The following PPEF1 variants were observed in gnomAD, a reference collection of about 807,000 sequenced individuals.
PPEF1 encodes protein phosphatase with EF-hand domain 1.
Under a neutral mutation model 53.3 loss-of-function variants are expected in PPEF1, and 12 were observed. The observed-to-expected ratio is 0.23, with a 90% CI of 0.14 to 0.36. PPEF1 has a LOEUF of 0.36. PPEF1 is among the 10% of genes least tolerant of loss of function. PPEF1 has a pLI of 1.00. For missense variants in PPEF1, 334 were observed against 490.4 expected, an observed-to-expected ratio of 0.68 and a Z score of 3.01; for synonymous variants, 165 against 176.7, an observed-to-expected ratio of 0.93 and a Z score of 0.52.
At chrX:18,739,737 C>T (rs996877959) in intron 3 of PPEF1, among the ~76,000 whole-genome samples, 18 of 112,361 alleles carry the variant, frequency 1.6e-4, no homozygotes, top group Non-Finnish European at 2.6e-4. Flanking sequence ...CCAGAGGTGG[C>T]GTCTATAGAG....
chrX:18,750,272 C>T (rs2045416999), intron 4 of PPEF1, among the ~76,000 whole-genome samples: 1 of 111,627 alleles, frequency 9.0e-6, no homozygotes. Flanking sequence ...ATATCTCATT[C>T]CAGAACATTT....
Position 18,720,072 on chromosome X carries a change from C to T in PPEF1, c.47-10109C>T, listed in dbSNP as rs901306540. ...ACATACCACTTATCCTGCCAAAATA[C>T]ACAACCTGAATCTCATCACGAGGAA... On this transcript the variant is annotated intron_variant, in intron 1 of 15. Coordinates refer to ENST00000470157, the MANE Select transcript of PPEF1 (RefSeq NM_001377996.1). 6.3e-5 allele frequency among the ~76,000 whole-genome samples: 7 copies of T among 111,472 alleles called. 1 individual carries two copies. The highest frequency in any genetic ancestry group is 3.8e-5 in the Non-Finnish European group (2 of 53,122).
intron 6 of PPEF1, among the ~76,000 whole-genome samples, chrX:18,766,902 A>G (rs937926623): frequency 2.8e-5 from 3 of 106,905 alleles, no homozygotes; most frequent in African/African-American, 1.0e-4. Context: ...ACAAAAAAAA[A>G]TTAGCTTCGC....
Position 18,789,289 on chromosome X carries a change from G to A in PPEF1, c.1065+16G>A. On this transcript the variant is annotated intron_variant, in intron 10 of 15. Transcript: ENST00000470157. ...ATGGGAACAGGTAGGTAATCAGGGT[G>A]TTCACTGCAGTGGCAACAATGACAC... is the stretch of plus-strand genomic sequence containing the variant. The A allele has an allele frequency of 3.3e-6, 4 of 1,194,208 alleles. No individual in the cohort carries two copies. The highest frequency in any genetic ancestry group is 4.5e-6 in the Non-Finnish European group (4 of 881,558).
chrX:18,800,316 A>T (rs956729172), intron 10 of PPEF1, among the ~76,000 whole-genome samples: 32 of 110,751 alleles, frequency 2.9e-4, no homozygotes, highest in Non-Finnish European at 5.1e-4. Flanking sequence ...CACATATATA[A>T]AATAATATAT....
At chrX:18,743,950 A>G (rs2045263796) in intron 3 of PPEF1, among the ~76,000 whole-genome samples, 2 of 110,344 alleles carry the variant, frequency 1.8e-5, no homozygotes, top group Admixed American at 1.9e-4. Context: ...GTGCAGTGGC[A>G]TGACCTCGGC....
chrX:18,806,625 A>G, intron 12 of PPEF1, 80 bp downstream of exon 12: 3 of 938,250 alleles, frequency 3.2e-6, no homozygotes, highest in Non-Finnish European at 4.3e-6. Flanking sequence ...AAGAGCAGCC[A>G]CGTGAGTGAA....
At chrX:18,810,054 CAATA>C (rs1400151818) in intron 12 of PPEF1, among the ~76,000 whole-genome samples, 2 of 98,839 alleles carry the variant, frequency 2.0e-5, no homozygotes, top group African/African-American at 7.5e-5. Flanking sequence ...AGTTTTATGT[CAATA>C]AAGCTGGAAA....
chrX:18,775,967 A>C (rs1489924526), intron 6 of PPEF1, among the ~76,000 whole-genome samples: 2 of 75,368 alleles, frequency 2.7e-5, no homozygotes, highest in Non-Finnish European at 5.9e-5. Context: ...GATCACACAC[A>C]TGCTGAGGCA....
At chrX:18,700,240 G>A (rs892327891) in intron 5 of PPEF1, 1 of 53,868 alleles carries the variant, frequency 1.9e-5, no homozygotes, top group Non-Finnish European at 4.7e-5. Flanking sequence ...TGCAGAGTGG[G>A]GTGTGTGTGT....
At chrX:18,729,307 G>A (rs1202017686) in intron 1 of PPEF1, among the ~76,000 whole-genome samples, 7 of 111,814 alleles carry the variant, frequency 6.3e-5, no homozygotes, top group Admixed American at 2.8e-4. Flanking sequence ...TCATTGGTCT[G>A]TGCAAGACCC....
intron 3 of PPEF1, among the ~76,000 whole-genome samples, chrX:18,743,823 T>G (rs1387782659): frequency 2.7e-5 from 3 of 111,103 alleles, no homozygotes; most frequent in Non-Finnish European, 5.7e-5. Context: ...CAGGTTTTTT[T>G]GTCCATTTTT....
chrX:18,740,847 T>C (rs769621930), intron 3 of PPEF1, among the ~76,000 whole-genome samples: 5 of 111,038 alleles, frequency 4.5e-5, no homozygotes, highest in African/African-American at 1.6e-4. Flanking sequence ...CAAATTAAGA[T>C]CTGCCTGTTA....
At chrX:18,815,891 TTTTA>T (rs1286025604) in intron 12 of PPEF1, among the ~76,000 whole-genome samples, 1 of 107,709 alleles carries the variant, frequency 9.3e-6, no homozygotes, top group African/African-American at 3.4e-5. Context: ...CAATTTTTTA[TTTTA>T]TTTATTTATT....
intron 12 of PPEF1, among the ~76,000 whole-genome samples, chrX:18,807,052 C>T (rs1252562343): frequency 1.5e-4 from 16 of 106,546 alleles, no homozygotes; most frequent in Admixed American, 5.1e-4. Context: ...TTTTTTGAGA[C>T]GGAGTCTCGC....
At chrX:18,818,781 G>A (rs746349686) in intron 13 of PPEF1, among the ~76,000 whole-genome samples, 33 of 112,006 alleles carry the variant, frequency 2.9e-4, no homozygotes, top group Non-Finnish European at 4.9e-4. Flanking sequence ...TCACAGTAAC[G>A]TGAATCTTCC....
chrX:18,707,668 C>A lies in PPEF1; in HGVS notation c.-113C>A. On this transcript the variant is annotated 5_prime_UTR_variant, in exon 1 of 16. It adds an upstream start codon to the 5' untranslated region. Transcript: ENST00000470157. ...GTGTATTCCTCATTAGAATCTATGACTGAAGAGGATCGGCTAAGAGTGGTT... is the reference window on the plus strand; with the variant it reads ...GTGTATTCCTCATTAGAATCTATGAATGAAGAGGATCGGCTAAGAGTGGTT... The A allele has an allele frequency of 1.5e-6, 1 of 650,681 alleles. No homozygotes were observed. Among genetic ancestry groups the A allele is most frequent in the African/African-American group, 2.2e-5 (1 of 46,449 alleles). 53.6% of individuals were successfully genotyped at this position (650,681 alleles called of 1,213,427 possible).
At chrX:18,745,147 T>TAA (rs1172927593) in intron 3 of PPEF1, among the ~76,000 whole-genome samples, 4 of 95,425 alleles carry the variant, frequency 4.2e-5, no homozygotes, top group Non-Finnish European at 8.1e-5. Context: ...ATTATATATA[T>TAA]TATATATTAT....
chrX:18,733,812 A>G lies in PPEF1; in HGVS notation c.235+4A>G. On this transcript the variant is annotated splice_donor_region_variant and intron_variant, in intron 3 of 15. Coordinates refer to ENST00000470157, the MANE Select transcript of PPEF1 (RefSeq NM_001377996.1). ...CATATACATAAGGAAGAGCTAGGTAAGTAAAAAGCTTAGTCTTTTCAAATG... is the reference window on the plus strand; with the variant it reads ...CATATACATAAGGAAGAGCTAGGTAGGTAAAAAGCTTAGTCTTTTCAAATG... 2.6e-6 allele frequency: 3 copies of G among 1,168,077 alleles called. No individual in the cohort carries two copies. Among genetic ancestry groups the G allele is most frequent in the Non-Finnish European group, 3.4e-6 (3 of 871,247 alleles).
Sources: gnomAD v4.1 joint callset for allele counts (sites outside exome capture counted in the v4.1 genomes callset) on GRCh38, gnomAD v4.1.1 for gene constraint, MANE v1.5 for transcripts, NCBI Gene and HGNC (gene_info 2026-07-23, HGNC 2026-07-21) for gene names.